Variants in EFCAB5 observed in about 807,000 individuals in gnomAD.
EFCAB5 encodes the protein EF-hand calcium binding domain 5.
A neutral mutation model predicts 167.9 loss-of-function variants in EFCAB5; 131 were observed. That is an observed-to-expected ratio of 0.78 (90% CI 0.68 to 0.90). The LOEUF is 0.90. Ranked by LOEUF, EFCAB5 falls within the 40% of genes least tolerant of loss-of-function variation. The pLI is 0.00. For missense variants in EFCAB5, 1,663 were observed against 1,745.2 expected, an observed-to-expected ratio of 0.95 and a Z score of 0.84; for synonymous variants, 574 against 602.8, an observed-to-expected ratio of 0.95 and a Z score of 0.70.
intron 7 of EFCAB5, among the ~76,000 whole-genome samples, chr17:30,014,765 G>A (rs1326423512): frequency 2.0e-5 from 3 of 152,140 alleles, no homozygotes; most frequent in Non-Finnish European, 4.4e-5. Context: ...TTGCCAGTCT[G>A]TGTCTTTTAA....
Position 30,087,184 on chromosome 17 carries a change from T to TTTG in EFCAB5, c.3683+21_3683+23dup. On this transcript the variant is annotated intron_variant, in intron 19 of 22. Coordinates refer to ENST00000394835, the MANE Select transcript of EFCAB5 (RefSeq NM_198529.4). ...ATCTTCAGGTTAGAGACATGTCTGT[T>TTTG]TTGTTTGACTGCTAGAACACATCCT... 5 of 1,604,408 alleles carry TTTG rather than the reference T, an allele frequency of 3.1e-6. No homozygotes were observed. The highest frequency in any genetic ancestry group is 4.3e-6 in the Non-Finnish European group (5 of 1,171,478).
At chr17:29,930,625 T>C (rs1212174973) in intron 1 of EFCAB5, among the ~76,000 whole-genome samples, 1 of 151,978 alleles carries the variant, frequency 6.6e-6, no homozygotes, top group African/African-American at 2.4e-5. Context: ...TCAAACCCTC[T>C]CACTGGGCGC....
At chr17:30,040,107 G>A (rs1326940728) in intron 8 of EFCAB5, among the ~76,000 whole-genome samples, 1 of 152,164 alleles carries the variant, frequency 6.6e-6, no homozygotes, top group Non-Finnish European at 1.5e-5. Context: ...TTTCCACTAG[G>A]ATGGTCCTCA....
intron 14 of EFCAB5, among the ~76,000 whole-genome samples, chr17:30,075,917 G>A (rs560034326): frequency 6.6e-6 from 1 of 152,366 alleles, no homozygotes; most frequent in Admixed American, 6.5e-5. Flanking sequence ...AGAAATGGAA[G>A]ATGAAGAATC....
intron 22 of EFCAB5, among the ~76,000 whole-genome samples, chr17:30,100,074 A>C (rs1392590149): frequency 6.6e-6 from 1 of 152,176 alleles, no homozygotes; most frequent in Non-Finnish European, 1.5e-5. Flanking sequence ...ATTCTGGGAT[A>C]TACAGAAGGT....
At chr17:29,979,673 CT>C (rs1189018681) in intron 4 of EFCAB5, among the ~76,000 whole-genome samples, 8 of 152,080 alleles carry the variant, frequency 5.3e-5, no homozygotes. Context: ...GGATTAAGTA[CT>C]TTTTCTATAT....
intron 7 of EFCAB5, among the ~76,000 whole-genome samples, chr17:30,030,696 T>C (rs1336057019): frequency 6.6e-6 from 1 of 151,578 alleles, no homozygotes; most frequent in African/African-American, 2.4e-5. Flanking sequence ...AGGGTCCCGC[T>C]CTGTTGCCTG....
chr17:29,949,847 T>G (rs1400261478), intron 3 of EFCAB5, among the ~76,000 whole-genome samples: 5 of 152,244 alleles, frequency 3.3e-5, no homozygotes, highest in African/African-American at 1.2e-4. Context: ...AGCACTAGGA[T>G]TATTGCTTAG....
intron 8 of EFCAB5, among the ~76,000 whole-genome samples, chr17:30,036,512 C>G (rs1297808839): frequency 3.3e-5 from 5 of 151,344 alleles, no homozygotes; most frequent in African/African-American, 7.3e-5. Flanking sequence ...TCACTACAGC[C>G]TCTACCTTCT....
At chr17:29,954,737 A>G (rs1008702830) in intron 3 of EFCAB5, among the ~76,000 whole-genome samples, 3 of 152,170 alleles carry the variant, frequency 2.0e-5, no homozygotes, top group African/African-American at 7.2e-5. Context: ...CCAGAATGAT[A>G]GATTCACCGA....
intron 7 of EFCAB5, among the ~76,000 whole-genome samples, chr17:30,003,491 C>T (rs2068709759): frequency 6.6e-6 from 1 of 151,730 alleles, no homozygotes; most frequent in Non-Finnish European, 1.5e-5. Flanking sequence ...TTTCAGCCTC[C>T]CGAAGTGCTG....
chr17:30,049,092 T>C (rs2070010382), intron 8 of EFCAB5, among the ~76,000 whole-genome samples: 1 of 152,082 alleles, frequency 6.6e-6, no homozygotes, highest in South Asian at 2.1e-4. Flanking sequence ...TCCATCATGA[T>C]GATTGGACTT....
At chr17:30,089,591 A>G (rs1258481350) in intron 19 of EFCAB5, among the ~76,000 whole-genome samples, 1 of 152,170 alleles carries the variant, frequency 6.6e-6, no homozygotes, top group Non-Finnish European at 1.5e-5. Flanking sequence ...ACTGAGGCAG[A>G]TGCTATAGAT....
intron 12 of EFCAB5, among the ~76,000 whole-genome samples, chr17:30,056,495 A>G (rs989097829): frequency 2.0e-5 from 3 of 152,220 alleles, no homozygotes; most frequent in South Asian, 2.1e-4. Flanking sequence ...CTAAAACTCA[A>G]TAGAAATCAT....
At chr17:29,987,920 T>C (rs971834579) in intron 4 of EFCAB5, among the ~76,000 whole-genome samples, 7 of 152,146 alleles carry the variant, frequency 4.6e-5, no homozygotes, top group African/African-American at 1.7e-4. Context: ...GTACATAAGC[T>C]AGTCTCCCAA....
chr17:30,059,890 G>A (rs1248938166), intron 14 of EFCAB5, 189 bp downstream of exon 14: 2 of 344,948 alleles, frequency 5.8e-6, no homozygotes, highest in Non-Finnish European at 9.5e-6. Context: ...GTCTCACTGT[G>A]CTGCCCAGGC....
chr17:30,024,671 TG>T (rs2069269489), intron 7 of EFCAB5, among the ~76,000 whole-genome samples: 1 of 151,674 alleles, frequency 6.6e-6, no homozygotes, highest in Non-Finnish European at 1.5e-5. Context: ...TTCACAGAAT[TG>T]GAAAAAACTA....
chr17:30,096,032 G>A (rs2071281632), intron 22 of EFCAB5, among the ~76,000 whole-genome samples: 1 of 152,200 alleles, frequency 6.6e-6, no homozygotes, highest in Non-Finnish European at 1.5e-5. Context: ...GATTTCCTTT[G>A]TCCTGGCAAG....
intron 5 of EFCAB5, among the ~76,000 whole-genome samples, chr17:29,995,225 G>C (rs1183169206): frequency 7.2e-5 from 11 of 152,204 alleles, no homozygotes; most frequent in Non-Finnish European, 1.3e-4. Flanking sequence ...TTATGGTGGA[G>C]AAGGACTCTC....
Sources: gnomAD v4.1 joint callset for allele counts (sites outside exome capture counted in the v4.1 genomes callset) on GRCh38, gnomAD v4.1.1 for gene constraint, MANE v1.5 for transcripts, NCBI Gene and HGNC (gene_info 2026-07-23, HGNC 2026-07-21) for gene names.